The following RARB variants were observed in gnomAD, a reference collection of about 807,000 sequenced individuals.
The protein encoded by RARB is HBV-activated protein.
RARB carries 17 observed loss-of-function variants against 51.9 expected under a neutral mutation model. The observed-to-expected ratio is 0.33, with a 90% confidence interval of 0.22 to 0.49. RARB has a LOEUF of 0.49. Ranked by LOEUF, RARB falls within the 20% of genes least tolerant of loss-of-function variation. The probability of loss-of-function intolerance (pLI) is 0.99; values close to 1 mark genes in which losing one functional copy is unlikely to be tolerated. For synonymous variants in RARB, 215 were observed against 195.4 expected, an observed-to-expected ratio of 1.10 and a Z score of -0.84; for missense variants, 369 against 550.8, an observed-to-expected ratio of 0.67 and a Z score of 3.30.
chr3:25,145,316 G>T (rs1700168949), intron 4 of RARB, among the ~76,000 whole-genome samples: 1 of 152,086 alleles, frequency 6.6e-6, no homozygotes, highest in Admixed American at 6.5e-5. Context: ...ATCTTTACCA[G>T]CAAACTGTCT....
chr3:25,264,198 C>G (rs1703073560), intron 5 of RARB, among the ~76,000 whole-genome samples: 1 of 151,974 alleles, frequency 6.6e-6, no homozygotes, highest in African/African-American at 2.4e-5. Flanking sequence ...GAATTCAAAG[C>G]TCTTGCTAAA....
intron 2 of RARB, among the ~76,000 whole-genome samples, chr3:24,982,741 T>C (rs943365663): frequency 5.9e-5 from 9 of 152,178 alleles, no homozygotes; most frequent in Non-Finnish European, 1.5e-5. Flanking sequence ...CTCCTAATAA[T>C]AGTTACACCA....
At chr3:24,864,959 T>G (rs1702820221) in intron 2 of RARB, among the ~76,000 whole-genome samples, 1 of 152,196 alleles carries the variant, frequency 6.6e-6, no homozygotes, top group East Asian at 1.9e-4. Context: ...AAGACTCTTG[T>G]TCACAATGGT....
At chr3:25,539,581 C>CTT (rs34726255) in intron 3 of RARB, among the ~76,000 whole-genome samples, 51 of 103,970 alleles carry the variant, frequency 4.9e-4, no homozygotes, top group Admixed American at 9.9e-4. Context: ...CCCTTTATTT[C>CTT]TTTTTTTTTT....
chr3:25,327,275 A>G (rs1036819576), intron 5 of RARB, among the ~76,000 whole-genome samples: 8 of 152,202 alleles, frequency 5.3e-5, no homozygotes, highest in Non-Finnish European at 8.8e-5. Context: ...ACAAAATTTC[A>G]GACTAGAAGG....
chr3:24,996,534 G>A (rs1391916742), intron 2 of RARB, among the ~76,000 whole-genome samples: 1 of 151,516 alleles, frequency 6.6e-6, no homozygotes, highest in Non-Finnish European at 1.5e-5. Flanking sequence ...TCCTTGAGGT[G>A]CATCATTCGG....
chr3:25,252,977 C>G (rs370172896), intron 5 of RARB, among the ~76,000 whole-genome samples: 2 of 152,150 alleles, frequency 1.3e-5, no homozygotes, highest in East Asian at 1.9e-4. Context: ...AATATGCACT[C>G]TCTCCCTCTC....
At chr3:24,988,419 T>A (rs942499849) in intron 2 of RARB, among the ~76,000 whole-genome samples, 1 of 152,190 alleles carries the variant, frequency 6.6e-6, no homozygotes, top group African/African-American at 2.4e-5. Context: ...ATTTAACATG[T>A]TCTTTTCTAC....
At chr3:24,849,260 A>T (rs915894741) in intron 1 of RARB, among the ~76,000 whole-genome samples, 1 of 152,238 alleles carries the variant, frequency 6.6e-6, no homozygotes, top group Non-Finnish European at 1.5e-5. Context: ...GCATTGTACT[A>T]TAATTACCTG....
At chr3:25,477,800 A>G (rs1003780574) in intron 2 of RARB, among the ~76,000 whole-genome samples, 2 of 152,196 alleles carry the variant, frequency 1.3e-5, no homozygotes, top group South Asian at 4.1e-4. Context: ...AAACTTTTTT[A>G]TTTGGCTCAC....
intron 5 of RARB, among the ~76,000 whole-genome samples, chr3:25,416,708 A>G (rs759262412): frequency 4.6e-5 from 7 of 152,206 alleles, no homozygotes; most frequent in Non-Finnish European, 7.3e-5. Context: ...TTTATTTTAC[A>G]ACAAGTGGTA....
chr3:25,371,244 A>G (rs1437256080), intron 5 of RARB, among the ~76,000 whole-genome samples: 3 of 152,170 alleles, frequency 2.0e-5, no homozygotes, highest in African/African-American at 7.2e-5. Context: ...ATTATTTTGG[A>G]ATAATAATAC....
At chr3:24,981,021 C>A (rs1334728926) in intron 2 of RARB, among the ~76,000 whole-genome samples, 1 of 152,158 alleles carries the variant, frequency 6.6e-6, no homozygotes. Flanking sequence ...AACAGACAGG[C>A]CCTTCAGCTG....
intron 1 of RARB, among the ~76,000 whole-genome samples, chr3:25,453,238 T>G (rs1318669554): frequency 1.4e-5 from 2 of 141,280 alleles, no homozygotes; most frequent in African/African-American, 2.6e-5. Context: ...GGGGCCAAGA[T>G]TCTGCTTTTT....
At chr3:25,004,883 G>A (rs747471564) in intron 2 of RARB, among the ~76,000 whole-genome samples, 24 of 152,096 alleles carry the variant, frequency 1.6e-4, no homozygotes, top group Non-Finnish European at 3.1e-4. Flanking sequence ...TTCAAATAGT[G>A]TCAGAACAGT....
At chr3:25,546,406 A>G (rs1222247215) in intron 3 of RARB, among the ~76,000 whole-genome samples, 1 of 152,090 alleles carries the variant, frequency 6.6e-6, no homozygotes, top group Non-Finnish European at 1.5e-5. Context: ...ACAGAAGCTA[A>G]CCCGATGAGA....
At chr3:25,466,263 C>G (rs1174386588) in intron 2 of RARB, among the ~76,000 whole-genome samples, 1 of 152,226 alleles carries the variant, frequency 6.6e-6, no homozygotes, top group Non-Finnish European at 1.5e-5. Flanking sequence ...TCTAGGCTCA[C>G]TGCAACCTCT....
chr3:25,401,026 T>C (rs1486264263), intron 5 of RARB, among the ~76,000 whole-genome samples: 5 of 152,144 alleles, frequency 3.3e-5, no homozygotes, highest in Admixed American at 1.3e-4. Flanking sequence ...ACTTTCTCAT[T>C]CTTAGTTTCA....
intron 1 of RARB, among the ~76,000 whole-genome samples, chr3:24,847,596 G>A (rs946650655): frequency 6.6e-6 from 1 of 152,152 alleles, no homozygotes; most frequent in African/African-American, 2.4e-5. Context: ...GTGGAATTGG[G>A]ATAAAATAGG....
Sources: gnomAD v4.1 joint callset for allele counts (sites outside exome capture counted in the v4.1 genomes callset) on GRCh38, gnomAD v4.1.1 for gene constraint, MANE v1.5 for transcripts, NCBI Gene and HGNC (gene_info 2026-07-23, HGNC 2026-07-21) for gene names.